Variants in STPG2 observed in about 807,000 individuals in gnomAD.
The protein encoded by STPG2 is sperm-tail PG-rich repeat-containing protein 2.
Under a neutral mutation model 54.2 loss-of-function variants are expected in STPG2, and 56 were observed. The ratio of observed to expected loss-of-function variants is 1.03; its 90% CI spans 0.83 to 1.29. The LOEUF (loss-of-function observed/expected upper bound fraction) is 1.29. Ranked by LOEUF, STPG2 falls within the 50% of genes most tolerant of loss-of-function variation. STPG2 has a pLI of 0.00. For synonymous variants in STPG2, 200 were observed against 181.8 expected, an observed-to-expected ratio of 1.10 and a Z score of -0.81; for missense variants, 596 against 544.9, an observed-to-expected ratio of 1.09 and a Z score of -0.93.
intron 10 of STPG2, among the ~76,000 whole-genome samples, chr4:97,608,176 G>A (rs932287581): frequency 4.6e-5 from 7 of 151,970 alleles, no homozygotes; most frequent in African/African-American, 1.7e-4. Flanking sequence ...GATTATAAAT[G>A]GGACTGGAAC....
intron 9 of STPG2, among the ~76,000 whole-genome samples, chr4:97,786,788 A>C (rs1371566197): frequency 6.6e-6 from 1 of 152,012 alleles, no homozygotes; most frequent in Non-Finnish European, 1.5e-5. Flanking sequence ...ACACAGGCTA[A>C]TATGCCACTC....
At chr4:98,103,235 A>G (rs1739096336) in intron 5 of STPG2, among the ~76,000 whole-genome samples, 1 of 152,298 alleles carries the variant, frequency 6.6e-6, no homozygotes, top group African/African-American at 2.4e-5. Flanking sequence ...TTTGAGTTAA[A>G]CAGTATAAAT....
chr4:97,914,364 C>T (rs1180582017), intron 8 of STPG2, among the ~76,000 whole-genome samples: 2 of 152,086 alleles, frequency 1.3e-5, no homozygotes, highest in East Asian at 3.9e-4. Flanking sequence ...AGAAAACAGG[C>T]ATCAAATAGC....
At chr4:97,739,840 G>A (rs1260495102) in intron 9 of STPG2, among the ~76,000 whole-genome samples, 1 of 152,016 alleles carries the variant, frequency 6.6e-6, no homozygotes, top group African/African-American at 2.4e-5. Context: ...TAAAAAAGAG[G>A]GAATCCTCCC....
chr4:97,840,454 GT>G (rs1728763481), intron 9 of STPG2, among the ~76,000 whole-genome samples: 1 of 151,202 alleles, frequency 6.6e-6, no homozygotes, highest in Admixed American at 6.6e-5. Flanking sequence ...TTCCTTTTTG[GT>G]TTTTGACCTA....
chr4:97,710,340 C>A (rs1309854782), intron 10 of STPG2, among the ~76,000 whole-genome samples: 1 of 151,956 alleles, frequency 6.6e-6, no homozygotes, highest in Non-Finnish European at 1.5e-5. Flanking sequence ...ACCTGGGGAA[C>A]TCCAGAGATA....
chr4:98,119,581 G>T (rs2865958), intron 3 of STPG2, among the ~76,000 whole-genome samples: 59,750 of 151,356 alleles, frequency 0.39, 11,958 homozygotes, highest in Middle Eastern at 0.46. Context: ...TTTGATAACT[G>T]CATTATGGTT....
At chr4:97,967,347 G>A (rs1734142206) in intron 7 of STPG2, among the ~76,000 whole-genome samples, 1 of 151,998 alleles carries the variant, frequency 6.6e-6, no homozygotes, top group Non-Finnish European at 1.5e-5. Context: ...CAATACAGGA[G>A]CACCCAGATT....
chr4:98,088,468 C>T (rs904681154), intron 5 of STPG2, among the ~76,000 whole-genome samples: 1 of 151,792 alleles, frequency 6.6e-6, no homozygotes, highest in Non-Finnish European at 1.5e-5. Context: ...CTTCTAAAAC[C>T]CTAATGAAAC....
At chr4:98,026,017 G>GA in intron 5 of STPG2, 1 of 1,036,774 alleles carries the variant, frequency 9.6e-7, no homozygotes, top group Non-Finnish European at 1.5e-6. Context: ...CAGATTACAT[G>GA]TAAGATGAAG....
At chr4:97,993,395 G>T (rs990594651) in intron 5 of STPG2, among the ~76,000 whole-genome samples, 1 of 152,110 alleles carries the variant, frequency 6.6e-6, no homozygotes, top group Non-Finnish European at 1.5e-5. Flanking sequence ...ACTTGCAGAT[G>T]TCAAACCATC....
chr4:98,126,377 G>A (rs6853266), intron 3 of STPG2, among the ~76,000 whole-genome samples: 1 of 152,066 alleles, frequency 6.6e-6, no homozygotes, highest in Non-Finnish European at 1.5e-5. Context: ...TCCAAGGCCC[G>A]GGTGGTGTGG....
intron 4 of STPG2, among the ~76,000 whole-genome samples, chr4:97,500,241 A>G (rs78275930): frequency 0.014 from 2,127 of 152,168 alleles, 43 homozygotes; most frequent in African/African-American, 0.048. Flanking sequence ...ATGAGGGTGT[A>G]AAAGAAGTGA....
At chr4:97,701,324 C>A (rs564460547) in intron 10 of STPG2, among the ~76,000 whole-genome samples, 3 of 152,078 alleles carry the variant, frequency 2.0e-5, no homozygotes, top group African/African-American at 7.2e-5. Flanking sequence ...TGAGCTAAAA[C>A]CCCTTTAATT....
chr4:97,519,335 C>T (rs1030752965), intron 4 of STPG2, among the ~76,000 whole-genome samples: 3 of 151,874 alleles, frequency 2.0e-5, no homozygotes, highest in Non-Finnish European at 4.4e-5. Flanking sequence ...GTACTGTCTT[C>T]CCATCTGCTT....
intron 9 of STPG2, among the ~76,000 whole-genome samples, chr4:97,739,460 T>G (rs1457319982): frequency 2.0e-5 from 3 of 151,916 alleles, no homozygotes; most frequent in African/African-American, 7.3e-5. Context: ...AATTGATAGA[T>G]TGCTAGCAAG....
At chr4:98,039,360 T>C (rs1736871911) in intron 5 of STPG2, among the ~76,000 whole-genome samples, 1 of 67,892 alleles carries the variant, frequency 1.5e-5, no homozygotes, top group South Asian at 5.1e-4. Flanking sequence ...ATTTAAAATA[T>C]GACCATTTAT....
chr4:97,781,900 T>A (rs1578558762), intron 9 of STPG2, among the ~76,000 whole-genome samples: 1 of 152,128 alleles, frequency 6.6e-6, no homozygotes, highest in South Asian at 2.1e-4. Flanking sequence ...TGCTAAAAAC[T>A]CTCAAGAAAT....
intron 4 of STPG2, among the ~76,000 whole-genome samples, chr4:97,512,803 C>T (rs999543357): frequency 6.6e-6 from 1 of 151,994 alleles, no homozygotes; most frequent in Non-Finnish European, 1.5e-5. Flanking sequence ...TCATACTATA[C>T]TCTCACAATA....
Sources: gnomAD v4.1 joint callset for allele counts (sites outside exome capture counted in the v4.1 genomes callset) on GRCh38, gnomAD v4.1.1 for gene constraint, MANE v1.5 for transcripts, NCBI Gene and HGNC (gene_info 2026-07-23, HGNC 2026-07-21) for gene names.